The following TEX15 variants were observed in gnomAD, a reference collection of about 807,000 sequenced individuals.
TEX15 encodes testis-expressed protein 15.
Under a neutral mutation model 237.3 loss-of-function variants are expected in TEX15, and 171 were observed. That is an observed-to-expected ratio of 0.72 (90% CI 0.64 to 0.82). The LOEUF is 0.82. Among genes scored for constraint, TEX15 ranks in the 40% least tolerant of loss-of-function variants. The probability of loss-of-function intolerance (pLI) is 0.00; values close to 1 mark genes in which losing one functional copy is unlikely to be tolerated. For synonymous variants in TEX15, 1,338 were observed against 1,269.8 expected (o/e 1.05, Z -1.14); for missense variants, 3,750 against 3,646.5 (o/e 1.03, Z -0.73).
Position 30,846,720 on chromosome 8 carries a change from G to A in TEX15, c.3447C>T (p.Ser1149=), listed in dbSNP as rs1807622069. The A allele has an allele frequency of 1.9e-6, 3 of 1,613,406 alleles. No individual in the cohort carries two copies. In the African/African-American group the frequency reaches 4.0e-5, roughly 22 times the overall value. The stretch of plus-strand genomic sequence containing the variant: ...TTTGTAGATCTGGAAGTAAAATTGG[G>A]CTGGTAAGTTCTGTTTCATTGTTTT... ...STQNNETELT[S]PILLPDLQIK... Residue 1149 remains serine (S), a synonymous_variant, in exon 8 of 11, where the codon AGC becomes AGT. Coordinates refer to ENST00000643185, the MANE Select transcript of TEX15 (RefSeq NM_001350162.2).
chr8:30,869,087 TG>T (rs1244109448), intron 4 of TEX15, among the ~76,000 whole-genome samples: 1 of 151,636 alleles, frequency 6.6e-6, no homozygotes, highest in Non-Finnish European at 1.5e-5. Flanking sequence ...GAAAAAAAAA[TG>T]GGCCTAAATA....
At position 30,899,968 on chromosome 8, in the gene TEX15, C is replaced by T. The variant is rs73670553; in HGVS notation, c.-85-1151G>A. Among the ~76,000 whole-genome samples the T allele has an allele frequency of 3.6e-3, 554 of 152,106 alleles. 2 individuals carry two copies. Among genetic ancestry groups the T allele is most frequent in the Middle Eastern group, 0.014 (4 of 292 alleles). On this transcript the variant is annotated intron_variant, in intron 1 of 10. Transcript: ENST00000643185. ...GGTACTAATTAATATATTTAAAATG[C>T]TATGCATTTTCAAGAAAAGGTAACT...
In TEX15 at chr8:30,847,996, T is replaced by C; in HGVS notation, c.2171A>G (p.His724Arg). The change falls in exon 8 of 11, where the codon CAT (histidine) becomes CGT (arginine). Residue 724 changes from histidine (H) to arginine (R), a missense_variant. Transcript: ENST00000643185. ...CTCATACTCCACAGAGTGCTGAGGA[T>C]GCTTTTGTGACAGGCTCTCAAAACT... ...TPSFESLSQK[H>R]PQHSVEYEGN... is the part of the protein sequence containing the mutation. 3 of 1,614,042 alleles carry C rather than the reference T, an allele frequency of 1.9e-6. No individual in the cohort carries two copies. The highest frequency in any genetic ancestry group is 2.5e-6 in the Non-Finnish European group (3 of 1,179,958).
At position 30,847,291 on chromosome 8, in the gene TEX15, CT is replaced by C; in HGVS notation, c.2875del (p.Arg959GlufsTer3). The C allele has an allele frequency of 6.2e-7, 1 of 1,613,980 alleles. No individual in the cohort carries two copies. The highest frequency in any genetic ancestry group is 1.1e-5 in the South Asian group (1 of 91,070). On this transcript the variant is annotated frameshift_variant, in exon 8 of 11. Coordinates refer to ENST00000643185, the MANE Select transcript of TEX15 (RefSeq NM_001350162.2). LOFTEE classifies it high-confidence loss of function. ...CGTGGAAGCCAAATGCTCTACACTTCTTCCAGTATTTTCAGTATCTTTTTGT... is the reference window on the plus strand; with the variant it reads ...CGTGGAAGCCAAATGCTCTACACTTCTCCAGTATTTTCAGTATCTTTTTGT... ...VKQKDTENTG[R>X]SVEHLASTTF...
rs1167345090 is a variant in TEX15, at chr8:30,837,488, T to C, written c.8796A>G (p.Ser2932=). 1.9e-6 allele frequency: 3 copies of C among 1,613,716 alleles called. No homozygotes were observed. The South Asian group carries it at 3.3e-5, about 18-fold the overall frequency. The change falls in exon 10 of 11, where the codon TCA becomes TCG. Residue 2932 remains serine, a synonymous_variant. Coordinates refer to ENST00000643185, the MANE Select transcript of TEX15 (RefSeq NM_001350162.2). The part of the protein sequence containing the change: ...DIVNSSIKNS[S]CMTSPEPICI... ...AGATGGGTTCTGGAGAAGTCATGCA[T>C]GAGGAATTTTTAATAGATGAATTTA...
chr8:30,848,997 G>A lies in TEX15; in HGVS notation c.1170C>T (p.Asp390=), dbSNP rs1807703138. ...TTAACAAAAGGTCACCATTAACACT[G>A]TCTTTGGCATCACTGGGCATAAGTG... The part of the protein sequence containing the change: ...DISLMPSDAK[D]SVNGDLLLNW... Residue 390 remains aspartate (D), a synonymous_variant, in exon 8 of 11, where the codon GAC becomes GAT. Transcript: ENST00000643185. The A allele has an allele frequency of 6.2e-7, 1 of 1,614,114 alleles. No individual in the cohort carries two copies. Among genetic ancestry groups the A allele is most frequent in the Non-Finnish European group, 8.5e-7 (1 of 1,180,006 alleles).
In TEX15 at chr8:30,845,355, GTTTTC is replaced by G; in HGVS notation, c.4807_4811del (p.Glu1603GlnfsTer3). On this transcript the variant is annotated frameshift_variant, in exon 8 of 11. Transcript: ENST00000643185. LOFTEE classifies it high-confidence loss of function. ...TTATTACTTCATTAGCGTCACAACT[GTTTTC>G]TTTAGTTGCATCTTTAACATTATGA... 3 of 1,611,536 alleles carry G rather than the reference GTTTTC, an allele frequency of 1.9e-6. No homozygotes were observed. Among genetic ancestry groups the G allele is most frequent in the Non-Finnish European group, 2.5e-6 (3 of 1,178,344 alleles).
intron 2 of TEX15, among the ~76,000 whole-genome samples, chr8:30,894,338 C>T (rs546096028): frequency 6.6e-6 from 1 of 152,196 alleles, no homozygotes; most frequent in African/African-American, 2.4e-5. Context: ...TAAAAAAAAT[C>T]CGTATTTGAT....
chr8:30,882,747 A>G (rs1808556983), intron 3 of TEX15, among the ~76,000 whole-genome samples: 1 of 152,194 alleles, frequency 6.6e-6, no homozygotes, highest in Non-Finnish European at 1.5e-5. Flanking sequence ...AGATTCTTCA[A>G]TATTCTTCCT....
chr8:30,846,392 C>T lies in TEX15; in HGVS notation c.3775G>A (p.Glu1259Lys), dbSNP rs1433149875. The T allele has an allele frequency of 1.2e-6, 2 of 1,613,306 alleles. No homozygotes were observed. The highest frequency in any genetic ancestry group is 2.2e-5 in the East Asian group (1 of 44,862). ...VNHTSENQNSESLFTEPSNVT... is the reference protein window; with the variant it reads ...VNHTSENQNSKSLFTEPSNVT... The stretch of plus-strand genomic sequence containing the variant: ...TTAGAAGGTTCAGTAAACAAAGATT[C>T]ACTGTTCTGATTTTCAGACGTATGA... The change falls in exon 8 of 11, where the codon GAA (glutamate) becomes AAA (lysine). Residue 1259 changes from glutamate to lysine, a missense_variant. By Grantham distance (56) the Glu-to-Lys change is moderately conservative (BLOSUM62 1). Coordinates refer to ENST00000643185, the MANE Select transcript of TEX15 (RefSeq NM_001350162.2).
intron 5 of TEX15, among the ~76,000 whole-genome samples, chr8:30,861,833 C>G (rs1808056698): frequency 6.6e-6 from 1 of 151,866 alleles, no homozygotes; most frequent in South Asian, 2.1e-4. Flanking sequence ...CCAGTCAACG[C>G]AGAAAAAGGG....
chr8:30,837,926 G>A lies in TEX15; in HGVS notation c.8358C>T (p.Asn2786=), dbSNP rs1244805588. 2 of 1,614,110 alleles carry A rather than the reference G, an allele frequency of 1.2e-6. No homozygotes were observed. The change falls in exon 10 of 11, where the codon AAC becomes AAT. Residue 2786 remains asparagine (N), a synonymous_variant. Coordinates refer to ENST00000643185, the MANE Select transcript of TEX15 (RefSeq NM_001350162.2). ...ACTTTGATGCGCAAGTGTCTTTTGG[G>A]TTCTCTAAGGGTAAAAGTGAGCCAG... ...SLPGSLLPLE[N]PKDTCASKSE...
chr8:30,908,813 A>G (rs1305248672), intron 1 of TEX15, among the ~76,000 whole-genome samples: 17 of 152,190 alleles, frequency 1.1e-4, no homozygotes, highest in Non-Finnish European at 2.4e-4. Context: ...TCTTTTCTTC[A>G]ACAAAAATTA....
At chr8:30,839,154 TTGTA>T (rs1367363056) in intron 9 of TEX15, among the ~76,000 whole-genome samples, 1 of 151,968 alleles carries the variant, frequency 6.6e-6, no homozygotes, top group Non-Finnish European at 1.5e-5. Context: ...AATTCTTAAA[TTGTA>T]TGAGGAAATA....
chr8:30,893,859 A>G (rs1275733056), intron 2 of TEX15, among the ~76,000 whole-genome samples: 1 of 152,198 alleles, frequency 6.6e-6, no homozygotes, highest in Non-Finnish European at 1.5e-5. Flanking sequence ...AAATTCTCAG[A>G]AACTTTATCT....
rs201078759 is a variant in TEX15, at chr8:30,879,936, TTTA to T, written c.137-4837_137-4835del. Among the ~76,000 whole-genome samples the T allele has an allele frequency of 4.9e-3, 679 of 137,830 alleles. 8 individuals carry two copies. The highest frequency in any genetic ancestry group is 0.021 in the African/African-American group (626 of 29,576). The allele number at this position is 137,830 out of a possible 152,430, so 90.4% of individuals were successfully genotyped here. ...CATTTATTTAGATTTCCTTTTTTTT[TTTA>T]AAAAAAAAAATCAGTATTTTATAGT... On this transcript the variant is annotated intron_variant, in intron 3 of 10. Transcript: ENST00000643185.
intron 1 of TEX15, among the ~76,000 whole-genome samples, chr8:30,910,606 T>C (rs1809196009): frequency 7.2e-6 from 1 of 139,772 alleles, no homozygotes; most frequent in Non-Finnish European, 1.5e-5. Flanking sequence ...CCACCACGCC[T>C]GGCCTTTTTT....
At position 30,842,022 on chromosome 8, in the gene TEX15, G is replaced by C. The variant is rs753556210; in HGVS notation, c.8145C>G (p.Ser2715=). Residue 2715 remains serine, a synonymous_variant, in exon 8 of 11, where the codon TCC becomes TCG. Transcript: ENST00000643185. The part of the protein sequence containing the change: ...SQEQQQDTTV[S]SCKKLKVDMK... ...TACATACCTTTAGCTTTTTACAACT[G>C]GAAACAGTAGTATCTTGCTGTTGTT... is the stretch of plus-strand genomic sequence containing the variant. 5 of 1,584,176 alleles carry C rather than the reference G, an allele frequency of 3.2e-6. No homozygotes were observed. Among genetic ancestry groups the C allele is most frequent in the Non-Finnish European group, 4.3e-6 (5 of 1,170,222 alleles).
intron 1 of TEX15, among the ~76,000 whole-genome samples, chr8:30,907,948 T>C (rs1809143423): frequency 6.6e-6 from 1 of 151,792 alleles, no homozygotes; most frequent in Non-Finnish European, 1.5e-5. Context: ...ATAAAAGAAT[T>C]CATCGCCCAG....
Sources: gnomAD v4.1 joint callset for allele counts (sites outside exome capture counted in the v4.1 genomes callset) on GRCh38, gnomAD v4.1.1 for gene constraint, MANE v1.5 for transcripts, NCBI Gene and HGNC (gene_info 2026-07-23, HGNC 2026-07-21) for gene names.